ABI3BP: variants seen among roughly 807,000 people sequenced by gnomAD.
The protein encoded by ABI3BP is target of Nesh-SH3.
A neutral mutation model predicts 268.6 loss-of-function variants in ABI3BP; 216 were observed. That is an observed-to-expected ratio of 0.80 (90% CI 0.72 to 0.90). ABI3BP has a LOEUF of 0.90. Ranked by LOEUF, ABI3BP falls within the 40% of genes least tolerant of loss-of-function variation. The pLI is 0.00. For missense variants in ABI3BP, 2,090 were observed against 2,182.4 expected (o/e 0.96, Z 0.84); for synonymous variants, 730 against 730.0 (o/e 1.00, Z 0.00).
intron 9 of ABI3BP, 115 bp downstream of exon 9, chr3:100,874,726 T>A: frequency 1.7e-6 from 1 of 583,660 alleles, no homozygotes; most frequent in East Asian, 2.9e-5. Flanking sequence ...TTGCCTCTAC[T>A]TTTTTACTTT....
chr3:100,765,238 T>G (rs2096219971), intron 63 of ABI3BP, among the ~76,000 whole-genome samples: 1 of 152,182 alleles, frequency 6.6e-6, no homozygotes, highest in Non-Finnish European at 1.5e-5. Context: ...CACAAAACTG[T>G]ACAGCAATAT....
chr3:100,832,271 A>G lies in ABI3BP; in HGVS notation c.2394T>C (p.Thr798=). The G allele has an allele frequency of 6.5e-7, 1 of 1,535,382 alleles. No homozygotes were observed. Among genetic ancestry groups the G allele is most frequent in the Non-Finnish European group, 8.7e-7 (1 of 1,146,388 alleles). ...KTTPHPEVPQ[T]KLVPATILEP... ...CAGAAACTACATATTTACCCAGTTT[A>G]GTTTGAGGTACTTCTGGATGGGGCG... Residue 798 remains threonine (T), a synonymous_variant, in exon 31 of 68, where the codon ACT becomes ACC. Coordinates refer to ENST00000471714, the MANE Select transcript of ABI3BP (RefSeq NM_001375547.2).
Position 100,898,848 on chromosome 3 carries a change from C to G in ABI3BP, c.375G>C (p.Leu125=). The G allele has an allele frequency of 6.2e-7, 1 of 1,613,400 alleles. No homozygotes were observed. The highest frequency in any genetic ancestry group is 8.5e-7 in the Non-Finnish European group (1 of 1,179,692). ...AGGACAGGAAGACCGAGCTCGGTGT[C>G]AGAGTGCCAACCACCAGCTGCAGAG... is the stretch of plus-strand genomic sequence containing the variant. ...RKPLQLVVGT[L]TPSSVFLSWG... The change falls in exon 4 of 68, where the codon CTG becomes CTC. Residue 125 remains leucine (L), a synonymous_variant. Transcript: ENST00000471714.
intron 49 of ABI3BP, 58 bp from the exon 50 acceptor site, chr3:100,808,293 A>C: frequency 7.8e-7 from 1 of 1,274,990 alleles, no homozygotes. Flanking sequence ...ACAGTACCTA[A>C]GCCTCTAGAA....
intron 4 of ABI3BP, among the ~76,000 whole-genome samples, chr3:100,894,965 A>AAAAAAAAAAAAAAAAAAAAAAAACAAC (rs760156604): frequency 8.3e-6 from 1 of 120,768 alleles, no homozygotes; most frequent in Non-Finnish European, 1.9e-5. Context: ...AAAAAAAAAA[A>AAAAAAAAAAAAAAAAAAAAAAAACAAC]AACAGAAAAA....
chr3:100,871,345 T>C (rs576477407), intron 9 of ABI3BP, among the ~76,000 whole-genome samples: 1 of 152,344 alleles, frequency 6.6e-6, no homozygotes, highest in African/African-American at 2.4e-5. Flanking sequence ...AGAAACATGG[T>C]CTACTAAGTT....
chr3:100,973,912 G>A lies in ABI3BP; in HGVS notation c.79+19394C>T, dbSNP rs1241069814. Reference sequence around the variant, plus strand: ...TATTATCTCATCTGATAAGAAATTAGTATGAGTTTCAGCAAATTAATTTGC... The same window carrying A: ...TATTATCTCATCTGATAAGAAATTAATATGAGTTTCAGCAAATTAATTTGC... On this transcript the variant is annotated intron_variant, in intron 1 of 67. Coordinates refer to ENST00000471714, the MANE Select transcript of ABI3BP (RefSeq NM_001375547.2). Among the ~76,000 whole-genome samples the A allele has an allele frequency of 2.3e-4, 35 of 152,124 alleles. 1 individual carries two copies. The highest frequency in any genetic ancestry group is 2.3e-3 in the Admixed American group (35 of 15,250).
At chr3:100,797,197 G>A (rs2097371346) in intron 51 of ABI3BP, among the ~76,000 whole-genome samples, 1 of 151,980 alleles carries the variant, frequency 6.6e-6, no homozygotes, top group Non-Finnish European at 1.5e-5. Context: ...CGTATATGCA[G>A]TGCCTGAAAT....
intron 2 of ABI3BP, among the ~76,000 whole-genome samples, chr3:100,917,174 C>T (rs1333664623): frequency 6.6e-6 from 1 of 152,110 alleles, no homozygotes; most frequent in East Asian, 1.9e-4. Context: ...TTGTGGAGCC[C>T]ATCAGGGAAG....
chr3:100,795,795 A>C lies in ABI3BP; in HGVS notation c.3865+9T>G. 1 of 1,286,130 alleles carries C rather than the reference A, an allele frequency of 7.8e-7. No homozygotes were observed. The highest frequency in any genetic ancestry group is 1.5e-5 in the African/African-American group (1 of 65,640). The allele number at this position is 1,286,130 out of a possible 1,614,324, so 79.7% of individuals were successfully genotyped here. A position where few individuals can be genotyped will look rare whatever the true frequency, so the allele number is the denominator to read the frequency against. On this transcript the variant is annotated intron_variant, in intron 53 of 67. Coordinates refer to ENST00000471714, the MANE Select transcript of ABI3BP (RefSeq NM_001375547.2). ...AAAACAGAGTTGGTCAATATGGGAA[A>C]ACCATTACCTATTGTTGTCTTTGGT...
chr3:100,835,685 A>T, intron 27 of ABI3BP, 25 bp from the exon 28 acceptor site: 1 of 1,504,106 alleles, frequency 6.6e-7, no homozygotes, highest in Non-Finnish European at 8.9e-7. Flanking sequence ...TACAATAAAC[A>T]ATGGAGATTA....
chr3:100,808,824 G>A lies in ABI3BP; in HGVS notation c.3608-589C>T, dbSNP rs1421975022. Among the ~76,000 whole-genome samples, 10 of 152,048 alleles carry A rather than the reference G, an allele frequency of 6.6e-5. No individual in the cohort carries two copies. In the South Asian group the frequency reaches 8.3e-4, roughly 13 times the overall value. On this transcript the variant is annotated intron_variant, in intron 49 of 67. Coordinates refer to ENST00000471714, the MANE Select transcript of ABI3BP (RefSeq NM_001375547.2). The stretch of plus-strand genomic sequence containing the variant: ...CGAAAGAAATTCTAGGACAATCAGT[G>A]TAAAAACCAATTTTTTCTTCACCAA...
intron 35 of ABI3BP, 50 bp downstream of exon 35, chr3:100,825,735 C>A (rs1447329894): frequency 1.4e-6 from 2 of 1,413,294 alleles, no homozygotes; most frequent in Admixed American, 2.0e-5. Flanking sequence ...GACTGTACAA[C>A]AAGCAGCAAA....
rs1309502224 is a variant in ABI3BP, at chr3:100,830,090, TATACATAC to T, written c.2459-434_2459-427del. Among the ~76,000 whole-genome samples, 101 of 91,534 alleles carry T rather than the reference TATACATAC, an allele frequency of 1.1e-3. 2 individuals carry two copies. Among genetic ancestry groups the T allele is most frequent in the Middle Eastern group, 5.1e-3 (1 of 196 alleles). The allele number at this position is 91,534 out of a possible 152,430, so 60.0% of individuals were successfully genotyped here. On this transcript the variant is annotated intron_variant, in intron 32 of 67. Transcript: ENST00000471714. ...CCCTTACCCCAAATGGCTATATACA[TATACATAC>T]ATACATACATACATATATATATATA... is the stretch of plus-strand genomic sequence containing the variant.
intron 1 of ABI3BP, among the ~76,000 whole-genome samples, chr3:100,972,995 T>C (rs973804900): frequency 6.6e-6 from 1 of 152,200 alleles, no homozygotes; most frequent in Non-Finnish European, 1.5e-5. Context: ...TCTCAGACTG[T>C]AAACAAGTGT....
Position 100,875,528 on chromosome 3 carries a change from G to C in ABI3BP, c.797C>G (p.Pro266Arg). The change falls in exon 8 of 68, where the codon CCA becomes CGA. Residue 266 changes from proline to arginine, a missense_variant. Coordinates refer to ENST00000471714, the MANE Select transcript of ABI3BP (RefSeq NM_001375547.2). ...CTCACCTAGTATCACTCCTCCCAGT[G>C]GAGCTTTTTCTGGGGATTTAGCTGA... ...KDSAKSPEKA[P>R]LGGVILVHLI... 2 of 1,612,704 alleles carry C rather than the reference G, an allele frequency of 1.2e-6. No individual in the cohort carries two copies. Among genetic ancestry groups the C allele is most frequent in the East Asian group, 4.5e-5 (2 of 44,872 alleles).
chr3:100,813,356 G>A (rs1560352413), intron 45 of ABI3BP, among the ~76,000 whole-genome samples: 1 of 151,964 alleles, frequency 6.6e-6, no homozygotes, highest in Non-Finnish European at 1.5e-5. Context: ...TGTAACTGTT[G>A]AAAAAATAAG....
chr3:100,787,654 C>A, intron 57 of ABI3BP, 74 bp downstream of exon 57: 1 of 1,217,878 alleles, frequency 8.2e-7, no homozygotes, highest in South Asian at 1.6e-5. Context: ...AATGTGAATT[C>A]AGCAATATCA....
chr3:100,907,716 C>CA (rs1209535733), intron 2 of ABI3BP, among the ~76,000 whole-genome samples: 9 of 151,840 alleles, frequency 5.9e-5, no homozygotes, highest in East Asian at 5.8e-4. Context: ...AATATCGATG[C>CA]AAAAAAACCC....
Sources: allele counts gnomAD v4.1 joint callset (sites outside exome capture counted in the v4.1 genomes callset), GRCh38; gene constraint gnomAD v4.1.1; transcripts MANE v1.5; gene names NCBI Gene and HGNC (gene_info 2026-07-23, HGNC 2026-07-21).